Variants in MDGA2 observed in about 807,000 individuals in gnomAD.
MDGA2 encodes MAM domain-containing glycosylphosphatidylinositol anchor protein 2.
In MDGA2, 40 loss-of-function variants were observed where a neutral mutation model predicts 117.8. The observed-to-expected ratio is 0.34, with a 90% confidence interval of 0.26 to 0.44. MDGA2 has a LOEUF of 0.44. MDGA2 is among the 20% of genes least tolerant of loss of function. MDGA2 has a pLI of 1.00. For missense variants in MDGA2, 1,123 were observed against 1,250.6 expected (o/e 0.90, Z 1.54); for synonymous variants, 452 against 439.0 (o/e 1.03, Z -0.37).
At chr14:47,129,245 C>G (rs189639757) in intron 5 of MDGA2, among the ~76,000 whole-genome samples, 82 of 151,842 alleles carry the variant, frequency 5.4e-4, no homozygotes, top group African/African-American at 1.6e-3. Context: ...TAGCTCCCCC[C>G]CCGACCCCAC....
chr14:47,228,444 G>T (rs1462319342), intron 2 of MDGA2, among the ~76,000 whole-genome samples: 1 of 151,968 alleles, frequency 6.6e-6, no homozygotes, highest in Non-Finnish European at 1.5e-5. Flanking sequence ...TTCAAATTTT[G>T]ATCTTTTCAA....
intron 1 of MDGA2, among the ~76,000 whole-genome samples, chr14:47,629,022 C>G (rs1566549247): frequency 6.6e-6 from 1 of 152,206 alleles, no homozygotes; most frequent in Non-Finnish European, 1.5e-5. Context: ...GTACCCACTC[C>G]TGCTTTTCTG....
At chr14:47,155,078 C>T (rs565144194) in intron 3 of MDGA2, among the ~76,000 whole-genome samples, 2 of 152,254 alleles carry the variant, frequency 1.3e-5, no homozygotes, top group East Asian at 3.9e-4. Context: ...TGGGTCTCCT[C>T]TCCACTGAGA....
At chr14:47,166,644 C>T (rs76199375) in intron 3 of MDGA2, among the ~76,000 whole-genome samples, 279 of 152,212 alleles carry the variant, frequency 1.8e-3, no homozygotes, top group Non-Finnish European at 3.2e-3. Flanking sequence ...ACTTTATCTC[C>T]AGCTCTAGAC....
intron 5 of MDGA2, among the ~76,000 whole-genome samples, chr14:47,106,154 C>T (rs1380442330): frequency 2.0e-5 from 3 of 151,966 alleles, no homozygotes; most frequent in South Asian, 2.1e-4. Context: ...AACCCTGAGA[C>T]ACTTTACAGC....
chr14:47,634,903 A>C (rs1897298742), intron 1 of MDGA2, among the ~76,000 whole-genome samples: 1 of 152,084 alleles, frequency 6.6e-6, no homozygotes, highest in Admixed American at 6.5e-5. Flanking sequence ...ATGAAATAAA[A>C]CTATTTCAAT....
At chr14:47,462,925 T>C (rs1404010049) in intron 1 of MDGA2, among the ~76,000 whole-genome samples, 1 of 152,234 alleles carries the variant, frequency 6.6e-6, no homozygotes, top group South Asian at 2.1e-4. Context: ...TGAACTTTAC[T>C]AGCAAAATTG....
chr14:46,989,322 G>GAA (rs71448152), intron 8 of MDGA2, among the ~76,000 whole-genome samples: 33 of 146,322 alleles, frequency 2.3e-4, no homozygotes, highest in South Asian at 4.2e-4. Context: ...AGCTGCACTG[G>GAA]AAAAAAAAAA....
At chr14:46,923,583 T>C (rs1423304690) in intron 9 of MDGA2, among the ~76,000 whole-genome samples, 1 of 152,106 alleles carries the variant, frequency 6.6e-6, no homozygotes, top group African/African-American at 2.4e-5. Flanking sequence ...AAGTAATTGC[T>C]AATGAGAAAT....
intron 1 of MDGA2, among the ~76,000 whole-genome samples, chr14:47,547,388 AC>A (rs1895484743): frequency 6.6e-6 from 1 of 152,198 alleles, no homozygotes; most frequent in Non-Finnish European, 1.5e-5. Flanking sequence ...TTGGTGCTCA[AC>A]AGAATCAAAA....
intron 3 of MDGA2, among the ~76,000 whole-genome samples, chr14:47,205,927 G>C (rs1246629256): frequency 6.6e-6 from 1 of 151,960 alleles, no homozygotes; most frequent in Non-Finnish European, 1.5e-5. Context: ...ATTTGATAAT[G>C]GTTTGTTGAA....
intron 8 of MDGA2, among the ~76,000 whole-genome samples, chr14:47,032,868 G>A (rs1200509020): frequency 6.6e-6 from 1 of 152,182 alleles, no homozygotes; most frequent in Non-Finnish European, 1.5e-5. Context: ...ATGATAACAT[G>A]ATCCTCACCT....
chr14:47,523,364 T>C (rs911664006), intron 1 of MDGA2, among the ~76,000 whole-genome samples: 14 of 152,198 alleles, frequency 9.2e-5, no homozygotes, highest in African/African-American at 3.4e-4. Flanking sequence ...TTAATTGATA[T>C]TGACCCTGAA....
chr14:46,961,596 G>C (rs567083297), intron 8 of MDGA2, among the ~76,000 whole-genome samples: 31 of 151,614 alleles, frequency 2.0e-4, no homozygotes, highest in African/African-American at 7.2e-4. Flanking sequence ...AAGTAGTTAA[G>C]CTTATCTTCC....
chr14:47,357,280 G>T (rs994652485), intron 1 of MDGA2, among the ~76,000 whole-genome samples: 5 of 152,324 alleles, frequency 3.3e-5, no homozygotes, highest in Admixed American at 6.5e-5. Flanking sequence ...CACCAGACTT[G>T]CTGTAGGGCT....
intron 3 of MDGA2, among the ~76,000 whole-genome samples, chr14:47,157,677 T>A (rs1883453183): frequency 6.7e-6 from 1 of 149,490 alleles, no homozygotes; most frequent in Admixed American, 6.7e-5. Flanking sequence ...CCAAATCTCA[T>A]CCTGAATTGT....
intron 7 of MDGA2, among the ~76,000 whole-genome samples, chr14:47,056,788 T>A (rs1342585489): frequency 6.6e-6 from 1 of 152,170 alleles, no homozygotes; most frequent in African/African-American, 2.4e-5. Flanking sequence ...AACGATTATA[T>A]TTTTGCAAAT....
intron 3 of MDGA2, among the ~76,000 whole-genome samples, chr14:47,214,105 A>G (rs1408058233): frequency 2.0e-5 from 3 of 152,048 alleles, no homozygotes; most frequent in African/African-American, 7.2e-5. Flanking sequence ...GCATGATTCA[A>G]TTACCTCCAC....
chr14:47,109,761 C>T (rs777484331), intron 5 of MDGA2, among the ~76,000 whole-genome samples: 1 of 152,038 alleles, frequency 6.6e-6, no homozygotes, highest in African/African-American at 2.4e-5. Context: ...ACCTGGCCAA[C>T]ATGGCAAAAA....
Sources: gnomAD v4.1 joint callset for allele counts (sites outside exome capture counted in the v4.1 genomes callset) on GRCh38, gnomAD v4.1.1 for gene constraint, MANE v1.5 for transcripts, NCBI Gene and HGNC (gene_info 2026-07-23, HGNC 2026-07-21) for gene names.